ASIC2: variants seen among roughly 807,000 people sequenced by gnomAD.
ASIC2 encodes acid sensing ion channel subunit 2, also known as acid-sensing ion channel 2.
A neutral mutation model predicts 57.3 loss-of-function variants in ASIC2; 25 were observed. The observed-to-expected ratio is 0.44, with a 90% confidence interval of 0.32 to 0.61. ASIC2 has a LOEUF of 0.61. ASIC2 is among the 20% of genes least tolerant of loss of function. The pLI is 0.06. For missense variants in ASIC2, 641 were observed against 738.1 expected (o/e 0.87, Z 1.52); for synonymous variants, 319 against 307.5 (o/e 1.04, Z -0.39).
intron 1 of ASIC2, among the ~76,000 whole-genome samples, chr17:33,368,772 G>C (rs1040522764): frequency 1.2e-4 from 18 of 152,076 alleles, no homozygotes; most frequent in African/African-American, 4.3e-4. Context: ...ACCAATGATG[G>C]AGGTTCTGCT....
At chr17:33,579,823 C>T (rs549696086) in intron 1 of ASIC2, among the ~76,000 whole-genome samples, 2 of 152,284 alleles carry the variant, frequency 1.3e-5, no homozygotes, top group South Asian at 2.1e-4. Flanking sequence ...ATTTCGGCGT[C>T]TGGCTCGGGT....
At chr17:33,254,568 C>T (rs527396809) in intron 1 of ASIC2, among the ~76,000 whole-genome samples, 1 of 152,220 alleles carries the variant, frequency 6.6e-6, no homozygotes, top group East Asian at 1.9e-4. Context: ...TGCCCATAGC[C>T]TGGTAGACCT....
At chr17:33,998,243 T>A (rs915164755) in intron 1 of ASIC2, among the ~76,000 whole-genome samples, 2 of 152,114 alleles carry the variant, frequency 1.3e-5, no homozygotes, top group African/African-American at 4.8e-5. Flanking sequence ...AACATCTTAT[T>A]TATTTATAAT....
chr17:33,549,838 T>G (rs1431034104), intron 1 of ASIC2, among the ~76,000 whole-genome samples: 6 of 152,196 alleles, frequency 3.9e-5, no homozygotes, highest in Non-Finnish European at 8.8e-5. Flanking sequence ...TGGTCACTTC[T>G]TCCTCCTCCA....
chr17:33,989,786 A>G (rs2142009082), intron 1 of ASIC2, among the ~76,000 whole-genome samples: 1 of 152,320 alleles, frequency 6.6e-6, no homozygotes, highest in Admixed American at 6.5e-5. Context: ...AAAATGAAAC[A>G]TTCAAATATA....
chr17:33,514,170 C>T (rs1914502134), intron 1 of ASIC2, among the ~76,000 whole-genome samples: 1 of 152,162 alleles, frequency 6.6e-6, no homozygotes, highest in Non-Finnish European at 1.5e-5. Flanking sequence ...GAACCTTTGC[C>T]TTCATGCTGC....
intron 1 of ASIC2, among the ~76,000 whole-genome samples, chr17:33,222,782 A>G (rs1209694058): frequency 6.6e-6 from 1 of 152,190 alleles, no homozygotes; most frequent in Non-Finnish European, 1.5e-5. Flanking sequence ...TGTGCAAAAT[A>G]CTATTCAATG....
intron 1 of ASIC2, among the ~76,000 whole-genome samples, chr17:33,122,020 T>G (rs975213666): frequency 1.3e-5 from 2 of 152,196 alleles, no homozygotes; most frequent in Non-Finnish European, 2.9e-5. Flanking sequence ...CAAGGCTGAC[T>G]GTGATGAGCA....
chr17:33,659,198 C>G (rs949108900), intron 1 of ASIC2, among the ~76,000 whole-genome samples: 3 of 152,168 alleles, frequency 2.0e-5, no homozygotes, highest in East Asian at 1.9e-4. Flanking sequence ...TGTCTTGTCT[C>G]TCACCTCTGC....
rs543865586 is a variant in ASIC2, at chr17:33,674,168, C to T, written c.555+481810G>A. Among the ~76,000 whole-genome samples the T allele has an allele frequency of 1.1e-4, 16 of 152,258 alleles. No individual in the cohort carries two copies. The East Asian group carries it at 3.1e-3, about 29-fold the overall frequency. ...TCGGCCTCCCAAAGTGCTGGGATTA[C>T]AGGCGTGAGCCACCGAGCCTGGCCC... On this transcript the variant is annotated intron_variant, in intron 1 of 9. Coordinates refer to the ASIC2 transcript ENST00000359872.
At chr17:34,015,615 T>C (rs182266002) in intron 1 of ASIC2, among the ~76,000 whole-genome samples, 28 of 152,352 alleles carry the variant, frequency 1.8e-4, no homozygotes, top group African/African-American at 6.7e-4. Flanking sequence ...CTCATCTTCA[T>C]CATTTCAAAA....
At chr17:33,325,884 C>T (rs1252255087) in intron 1 of ASIC2, among the ~76,000 whole-genome samples, 2 of 152,048 alleles carry the variant, frequency 1.3e-5, no homozygotes, top group African/African-American at 2.4e-5. Context: ...AGGTTTTGGC[C>T]AGTGCAGTTG....
chr17:33,132,623 C>A (rs1052440214), intron 1 of ASIC2, among the ~76,000 whole-genome samples: 2 of 152,166 alleles, frequency 1.3e-5, no homozygotes, highest in African/African-American at 4.8e-5. Flanking sequence ...ACACTTGCGA[C>A]CTAGAGCCTC....
At chr17:33,515,374 A>T (rs1232718045) in intron 1 of ASIC2, among the ~76,000 whole-genome samples, 4 of 152,184 alleles carry the variant, frequency 2.6e-5, no homozygotes, top group Non-Finnish European at 4.4e-5. Flanking sequence ...GCAGCCATGG[A>T]CATTCACAGC....
intron 1 of ASIC2, among the ~76,000 whole-genome samples, chr17:33,330,565 C>T (rs1907272174): frequency 6.6e-6 from 1 of 152,152 alleles, no homozygotes; most frequent in Non-Finnish European, 1.5e-5. Context: ...ATTATTGGAC[C>T]AGACCACACA....
At chr17:33,202,259 C>A (rs950100865) in intron 1 of ASIC2, among the ~76,000 whole-genome samples, 1 of 152,080 alleles carries the variant, frequency 6.6e-6, no homozygotes, top group Non-Finnish European at 1.5e-5. Context: ...GCCACATGAG[C>A]AATAATGGAG....
At chr17:33,228,794 C>T (rs987401181) in intron 1 of ASIC2, among the ~76,000 whole-genome samples, 1 of 152,218 alleles carries the variant, frequency 6.6e-6, no homozygotes, top group Non-Finnish European at 1.5e-5. Context: ...TTGGATCCAC[C>T]AGCTCTTTCC....
intron 1 of ASIC2, among the ~76,000 whole-genome samples, chr17:33,923,529 T>G (rs1025690520): frequency 6.6e-6 from 1 of 152,222 alleles, no homozygotes; most frequent in African/African-American, 2.4e-5. Flanking sequence ...GAACTCAGAA[T>G]GCACAGCAGT....
rs186926861 is a variant in ASIC2 at position 33,386,732 on chromosome 17, G to T, written c.556-274665C>A. 2.2e-3 allele frequency among the ~76,000 whole-genome samples: 334 copies of T among 152,228 alleles called. 2 individuals are homozygous for T. The highest frequency in any genetic ancestry group is 6.8e-3 in the Middle Eastern group (2 of 294). On this transcript the variant is annotated intron_variant, in intron 1 of 9. Coordinates refer to the ASIC2 transcript ENST00000359872. ...TTAACATCCTTAATGTGGTCCATGGGTCCCTGGAAAGAGTGGCCCCTTCTG... is the reference window on the plus strand; with the variant it reads ...TTAACATCCTTAATGTGGTCCATGGTTCCCTGGAAAGAGTGGCCCCTTCTG...
Sources: gnomAD v4.1 joint callset for allele counts (sites outside exome capture counted in the v4.1 genomes callset) on GRCh38, gnomAD v4.1.1 for gene constraint, MANE v1.5 for transcripts, NCBI Gene and HGNC (gene_info 2026-07-23, HGNC 2026-07-21) for gene names.